The following CPLX4 variants were observed in gnomAD, a reference collection of about 807,000 sequenced individuals.
CPLX4 encodes complexin-4.
A neutral mutation model predicts 16.1 loss-of-function variants in CPLX4; 17 were observed. The observed-to-expected ratio is 1.06, with a 90% CI of 0.72 to 1.59. CPLX4 has a LOEUF of 1.59. CPLX4 is among the 40% of genes most tolerant of loss of function. The probability of loss-of-function intolerance (pLI) is 0.00; values close to 1 mark genes in which losing one functional copy is unlikely to be tolerated. For missense variants in CPLX4, 193 were observed against 192.9 expected (o/e 1.00, Z 0.00); for synonymous variants, 55 against 57.8 (o/e 0.95, Z 0.22).
chr18:59,300,612 G>A (rs2070534296), intron 2 of CPLX4, among the ~76,000 whole-genome samples: 1 of 152,180 alleles, frequency 6.6e-6, no homozygotes. Context: ...TTCCTTGTCT[G>A]TATATGGAGA....
chr18:59,315,868 C>T (rs896376728), intron 1 of CPLX4, among the ~76,000 whole-genome samples: 8 of 152,262 alleles, frequency 5.3e-5, no homozygotes, highest in African/African-American at 7.2e-5. Flanking sequence ...ACTAATGCCA[C>T]GCAGAGTTAC....
At chr18:59,311,565 C>T (rs1603392052) in intron 2 of CPLX4, among the ~76,000 whole-genome samples, 1 of 152,192 alleles carries the variant, frequency 6.6e-6, no homozygotes, top group African/African-American at 2.4e-5. Context: ...AGATGGCTCT[C>T]ATACTTGGGA....
In CPLX4 at chr18:59,307,753, A is replaced by ATTTTT. The variant is rs527371314; in HGVS notation, c.255+4927_255+4931dup. 3.6e-3 allele frequency among the ~76,000 whole-genome samples: 465 copies of ATTTTT among 130,934 alleles called. 8 individuals carry two copies. The highest frequency in any genetic ancestry group is 6.6e-3 in the Admixed American group (81 of 12,216). The allele number at this position is 130,934 out of a possible 152,430, so 85.9% of individuals were successfully genotyped here. ...CTCGCATCCCCACTGTGTTTTTCTGATTTTTTTTTTTTTTTTGAAATGGAG... is the reference window on the plus strand; with the variant it reads ...CTCGCATCCCCACTGTGTTTTTCTGATTTTTTTTTTTTTTTTTTTTTGAAATGGAG... On this transcript the variant is annotated intron_variant, in intron 2 of 2. Transcript: ENST00000299721.
intron 2 of CPLX4, among the ~76,000 whole-genome samples, chr18:59,311,776 C>G (rs997732919): frequency 3.9e-5 from 6 of 152,188 alleles, no homozygotes; most frequent in South Asian, 2.1e-4. Flanking sequence ...TCTGTCACTA[C>G]TGGATGCAAG....
chr18:59,296,384 G>A lies in CPLX4; in HGVS notation c.*314C>T. ...CAAGGAAGAAAGTTGGAGAGGAAAT[G>A]CCCCTTGCTTTTGTTTCTTCCTGGC... On this transcript the variant is annotated 3_prime_UTR_variant, in exon 3 of 3. Coordinates refer to ENST00000299721, the MANE Select transcript of CPLX4 (RefSeq NM_181654.4). 1 of 346,802 alleles carries A rather than the reference G, an allele frequency of 2.9e-6. No homozygotes were observed. The allele number at this position is 346,802 out of a possible 1,614,324, so 21.5% of individuals were successfully genotyped here.
chr18:59,300,018 T>C (rs1323220527), intron 2 of CPLX4, among the ~76,000 whole-genome samples: 1 of 152,236 alleles, frequency 6.6e-6, no homozygotes, highest in Non-Finnish European at 1.5e-5. Context: ...GTTTCTGGCA[T>C]GTAGACACAG....
Position 59,296,823 on chromosome 18 carries a change from T to C in CPLX4, c.358A>G (p.Lys120Glu), listed in dbSNP as rs373720376. 117 of 1,613,964 alleles carry C rather than the reference T, an allele frequency of 7.2e-5. No individual in the cohort carries two copies. In the East Asian group the frequency reaches 8.5e-4, roughly 12 times the overall value. ...TGTATCTGCCCAAGAATAGAATCTT[T>C]ATCTTCTTCCTCTTCTTGATCTTCA... ...VDEDQEEEED[K>E]DSILGQIQNL... The change falls in exon 3 of 3, where the codon AAA (lysine) becomes GAA (glutamate). Residue 120 changes from lysine (K) to glutamate (E), a missense_variant. Physicochemically the swap from Lys to Glu is moderately conservative, Grantham distance 56 (BLOSUM62 1). Coordinates refer to ENST00000299721, the MANE Select transcript of CPLX4 (RefSeq NM_181654.4).
At position 59,296,717 on chromosome 18, in the gene CPLX4, TGCTCC is replaced by T. The variant is rs1568103429; in HGVS notation, c.459_463del (p.Gln155ValfsTer34). 1 of 1,570,902 alleles carries T rather than the reference TGCTCC, an allele frequency of 6.4e-7. No individual in the cohort carries two copies. The highest frequency in any genetic ancestry group is 8.7e-7 in the Non-Finnish European group (1 of 1,148,784). ...CACCCCTCACATCACGGAACACTTC[TGCTCC>T]GCTGTCTGCTTGATTTCAGTGAAGG... On this transcript the variant is annotated frameshift_variant, in exon 3 of 3. Transcript: ENST00000299721. LOFTEE classifies it high-confidence loss of function.
intron 2 of CPLX4, among the ~76,000 whole-genome samples, chr18:59,310,464 G>C (rs962616192): frequency 1.3e-5 from 2 of 152,208 alleles, no homozygotes; most frequent in African/African-American, 4.8e-5. Flanking sequence ...TGAAGATCTG[G>C]AAGTCAGCAA....
intron 2 of CPLX4, among the ~76,000 whole-genome samples, chr18:59,304,787 G>A (rs184892450): frequency 1.7e-4 from 26 of 152,274 alleles, no homozygotes; most frequent in African/African-American, 4.6e-4. Context: ...GGCCAGGATC[G>A]TCTCGATCTC....
At chr18:59,313,104 C>T (rs1030408861) in intron 1 of CPLX4, among the ~76,000 whole-genome samples, 2 of 152,084 alleles carry the variant, frequency 1.3e-5, no homozygotes, top group African/African-American at 2.4e-5. Flanking sequence ...CTTGGTGCAC[C>T]TATGACAAAT....
chr18:59,303,935 G>C lies in CPLX4; in HGVS notation c.256-7010C>G, dbSNP rs375270054. The stretch of plus-strand genomic sequence containing the variant: ...CACCGCCTGGCCACCAGAAACAGCT[G>C]CTCAGAAAGCAGGAGGTTTCGGTGT... On this transcript the variant is annotated intron_variant, in intron 2 of 2. Coordinates refer to ENST00000299721, the MANE Select transcript of CPLX4 (RefSeq NM_181654.4). Among the ~76,000 whole-genome samples the C allele has an allele frequency of 6.4e-4, 97 of 152,348 alleles. No individual in the cohort carries two copies. In the East Asian group the frequency reaches 0.015, roughly 24 times the overall value.
intron 2 of CPLX4, among the ~76,000 whole-genome samples, chr18:59,298,188 C>T (rs1419313080): frequency 1.3e-5 from 2 of 151,968 alleles, no homozygotes; most frequent in African/African-American, 4.8e-5. Context: ...CTCCTGGGCT[C>T]AAGCAATCCT....
At chr18:59,299,214 TG>T (rs2070523229) in intron 2 of CPLX4, among the ~76,000 whole-genome samples, 1 of 152,264 alleles carries the variant, frequency 6.6e-6, no homozygotes, top group African/African-American at 2.4e-5. Flanking sequence ...CTTTCCTTGC[TG>T]ATCGTCTTCT....
At position 59,295,735 on chromosome 18, in the gene CPLX4, A is replaced by G. The variant is rs2070495121; in HGVS notation, c.*963T>C. The stretch of plus-strand genomic sequence containing the variant: ...GTCTACCCTGAAAGCTTGTGGCACC[A>G]AATGACAGTGTGATTTACTGGAAGG... On this transcript the variant is annotated 3_prime_UTR_variant, in exon 3 of 3. Coordinates refer to ENST00000299721, the MANE Select transcript of CPLX4 (RefSeq NM_181654.4). 1 of 152,058 alleles carries G rather than the reference A, an allele frequency of 6.6e-6. No homozygotes were observed. The highest frequency in any genetic ancestry group is 1.5e-5 in the Non-Finnish European group (1 of 68,018). The allele number at this position is 152,058 out of a possible 1,614,324, so 9.4% of individuals were successfully genotyped here.
chr18:59,318,224 G>C, intron 1 of CPLX4, 72 bp downstream of exon 1: 1 of 1,475,240 alleles, frequency 6.8e-7, no homozygotes, highest in South Asian at 1.6e-5. Flanking sequence ...AAATAAACTG[G>C]AGAACTGAAG....
chr18:59,310,780 CT>C (rs1170409536), intron 2 of CPLX4, among the ~76,000 whole-genome samples: 2 of 151,772 alleles, frequency 1.3e-5, no homozygotes, highest in African/African-American at 4.8e-5. Flanking sequence ...TTTTCTATTG[CT>C]GCTGCATAAA....
intron 2 of CPLX4, among the ~76,000 whole-genome samples, chr18:59,302,871 C>G (rs949454712): frequency 6.6e-6 from 1 of 152,200 alleles, no homozygotes; most frequent in African/African-American, 2.4e-5. Context: ...GTCTAGTTAG[C>G]TAAGCATGTT....
chr18:59,298,747 C>T (rs1455031985), intron 2 of CPLX4, among the ~76,000 whole-genome samples: 5 of 152,122 alleles, frequency 3.3e-5, no homozygotes, highest in Non-Finnish European at 7.3e-5. Flanking sequence ...CTTCATTCTT[C>T]ATCTGGAAAG....
Sources: allele counts gnomAD v4.1 joint callset (sites outside exome capture counted in the v4.1 genomes callset), GRCh38; gene constraint gnomAD v4.1.1; transcripts MANE v1.5; gene names NCBI Gene and HGNC (gene_info 2026-07-23, HGNC 2026-07-21).